Variants in ANKS6 observed in about 807,000 individuals in gnomAD.
The protein encoded by ANKS6 is ankyrin repeat and SAM domain-containing protein 6.
A neutral mutation model predicts 77.9 loss-of-function variants in ANKS6; 47 were observed. The observed-to-expected ratio is 0.60, with a 90% CI of 0.48 to 0.77. The LOEUF (loss-of-function observed/expected upper bound fraction) is 0.77, where lower values mean the gene tolerates loss of function less well. ANKS6 is among the 30% of genes least tolerant of loss of function. The probability of loss-of-function intolerance (pLI) is 0.00; values close to 1 mark genes in which losing one functional copy is unlikely to be tolerated. For synonymous variants in ANKS6, 488 were observed against 501.7 expected (o/e 0.97, Z 0.37); for missense variants, 1,150 against 1,159.1 (o/e 0.99, Z 0.11).
chr9:98,780,847 A>G (rs1378492808), intron 5 of ANKS6, among the ~76,000 whole-genome samples: 1 of 152,210 alleles, frequency 6.6e-6, no homozygotes, highest in Non-Finnish European at 1.5e-5. Context: ...ATTGCAAAAA[A>G]GATTGAGAAG....
intron 14 of ANKS6, among the ~76,000 whole-genome samples, chr9:98,742,441 A>G (rs919656145): frequency 6.6e-6 from 1 of 152,248 alleles, no homozygotes; most frequent in Non-Finnish European, 1.5e-5. Context: ...ATAATGCAGC[A>G]GAAGTTAAAT....
chr9:98,794,303 G>A (rs1034923920), intron 1 of ANKS6, among the ~76,000 whole-genome samples: 1 of 152,160 alleles, frequency 6.6e-6, no homozygotes, highest in Admixed American at 6.5e-5. Flanking sequence ...CAGACCCAGC[G>A]TGGTGGCTGC....
At chr9:98,773,853 A>T (rs767917373) in intron 9 of ANKS6, 24 bp downstream of exon 9, 4 of 1,505,372 alleles carry the variant, frequency 2.7e-6, no homozygotes, top group Non-Finnish European at 3.5e-6. Context: ...GTGATGTGTA[A>T]AAGTGTGTCA....
In ANKS6 at chr9:98,776,231, T is replaced by C. The variant is rs554124360; in HGVS notation, c.1617+1174A>G. ...TGATCTTGTTTAAAAACCATAACCA[T>C]GAGGGATCCCCGAAGTCAGAGACTG... On this transcript the variant is annotated intron_variant, in intron 8 of 14. Coordinates refer to ENST00000353234, the MANE Select transcript of ANKS6 (RefSeq NM_173551.5). 7.0e-4 allele frequency among the ~76,000 whole-genome samples: 106 copies of C among 152,140 alleles called. 1 individual carries two copies. The highest frequency in any genetic ancestry group is 2.3e-3 in the African/African-American group (97 of 41,500).
rs202064876 is a variant in ANKS6 at position 98,742,465 on chromosome 9, A to ATT, written c.2511+3092_2511+3093dup. Among the ~76,000 whole-genome samples the ATT allele has an allele frequency of 8.3e-3, 1,262 of 152,302 alleles. 6 individuals carry two copies. Among genetic ancestry groups the ATT allele is most frequent in the Middle Eastern group, 0.017 (5 of 294 alleles). On this transcript the variant is annotated intron_variant, in intron 14 of 14. Transcript: ENST00000353234. ...CAGAAGTTAAATTTGCTTTTGTACT[A>ATT]TTACACTTCTCCTAAACATGCCTTT...
intron 1 of ANKS6, 52 bp downstream of exon 1, chr9:98,796,081 G>A: frequency 2.3e-6 from 3 of 1,279,212 alleles, no homozygotes; most frequent in South Asian, 2.5e-5. Context: ...CGCGTCTCGG[G>A]CCAGCGCCGG....
chr9:98,789,953 G>C, intron 2 of ANKS6, 151 bp downstream of exon 2: 1 of 1,193,844 alleles, frequency 8.4e-7, no homozygotes, highest in Non-Finnish European at 1.1e-6. Context: ...CAATCCCCCC[G>C]ATACTTAAGC....
chr9:98,739,504 C>CTACA (rs1238291984), intron 14 of ANKS6, among the ~76,000 whole-genome samples: 2 of 152,096 alleles, frequency 1.3e-5, no homozygotes, highest in Admixed American at 1.3e-4. Flanking sequence ...GATACTTAAT[C>CTACA]TCCCTGGGCC....
chr9:98,742,201 G>A (rs761718148), intron 14 of ANKS6, among the ~76,000 whole-genome samples: 4 of 152,296 alleles, frequency 2.6e-5, no homozygotes, highest in Middle Eastern at 3.4e-3. Flanking sequence ...CCAAGCTTGC[G>A]TTGCAAAAGA....
Position 98,788,919 on chromosome 9 carries a change from C to T in ANKS6, c.862+1185G>A, listed in dbSNP as rs76907756. On this transcript the variant is annotated intron_variant, in intron 2 of 14. Transcript: ENST00000353234. ...GGTCTCTTGGCTTCAGGTAGTTCTTCCTAAACTTCTTTTTCCTTTTCATTT... is the reference window on the plus strand; with the variant it reads ...GGTCTCTTGGCTTCAGGTAGTTCTTTCTAAACTTCTTTTTCCTTTTCATTT... 7.5e-3 allele frequency among the ~76,000 whole-genome samples: 1,137 copies of T among 152,294 alleles called. 12 individuals are homozygous for T. Among genetic ancestry groups the T allele is most frequent in the African/African-American group, 0.026 (1,066 of 41,554 alleles).
Position 98,734,850 on chromosome 9 carries a change from C to T in ANKS6, c.*1669G>A. 1 of 985,434 alleles carries T rather than the reference C, an allele frequency of 1.0e-6. No homozygotes were observed. Among genetic ancestry groups the T allele is most frequent in the Non-Finnish European group, 1.2e-6 (1 of 829,936 alleles). The allele number at this position is 985,434 out of a possible 1,614,324, so 61.0% of individuals were successfully genotyped here. A position where few individuals can be genotyped will look rare whatever the true frequency, so the allele number is the denominator to read the frequency against. ...CCTTTGTAAAGGTGTCTATCAGTAA[C>T]AGCTAAATGAAACACTTTGTCTTCA... On this transcript the variant is annotated 3_prime_UTR_variant, in exon 15 of 15. Transcript: ENST00000353234.
At chr9:98,782,427 C>A (rs188834009) in intron 5 of ANKS6, 40 bp downstream of exon 5, 1 of 1,563,324 alleles carries the variant, frequency 6.4e-7, no homozygotes, top group Non-Finnish European at 8.8e-7. Context: ...GTCCAAGAAA[C>A]GCTGGGTAGA....
intron 6 of ANKS6, among the ~76,000 whole-genome samples, chr9:98,779,703 G>A (rs373086011): frequency 5.9e-5 from 9 of 151,752 alleles, no homozygotes; most frequent in African/African-American, 9.7e-5. Flanking sequence ...TCGCTCTGTC[G>A]CCCAGGCTGG....
At position 98,768,219 on chromosome 9, in the gene ANKS6, G is replaced by T. The variant is rs865780458; in HGVS notation, c.2004C>A (p.Ile668=). 6.2e-7 allele frequency: 1 copy of T among 1,614,120 alleles called. No homozygotes were observed. Among genetic ancestry groups the T allele is most frequent in the Admixed American group, 1.7e-5 (1 of 60,022 alleles). Residue 668 remains isoleucine, a synonymous_variant, in exon 11 of 15, where the codon ATC becomes ATA. Coordinates refer to ENST00000353234, the MANE Select transcript of ANKS6 (RefSeq NM_173551.5). ...CGGCTGCTTTTTTCCTCTGGGCAGC[G>T]ATTTGGGACAAGACATTGTCTATGC... is the stretch of plus-strand genomic sequence containing the variant. ...GGSIDNVLSQ[I]AAQRKKAAGL... is the part of the protein sequence containing the mutation.
Position 98,734,819 on chromosome 9 carries a change from T to C in ANKS6, c.*1700A>G, listed in dbSNP as rs1038315194. The C allele has an allele frequency of 1.0e-6, 1 of 985,474 alleles. No homozygotes were observed. The highest frequency in any genetic ancestry group is 4.7e-5 in the South Asian group (1 of 21,288). 61.0% of individuals were successfully genotyped at this position (985,474 alleles called of 1,614,324 possible). ...TGTCTCCTTAAAAAGGCTGGGACAT[T>C]AGTAACCTTTGTAAAGGTGTCTATC... On this transcript the variant is annotated 3_prime_UTR_variant, in exon 15 of 15. Coordinates refer to ENST00000353234, the MANE Select transcript of ANKS6 (RefSeq NM_173551.5).
chr9:98,777,495 G>A lies in ANKS6; in HGVS notation c.1568-41C>T, dbSNP rs369378712. ...AAATTTCCTGAAATGACCCCTCCAC[G>A]TGTCCACAGCATAAGGATGAGTGAC... On this transcript the variant is annotated intron_variant, in intron 7 of 14. Transcript: ENST00000353234. 26 of 1,598,378 alleles carry A rather than the reference G, an allele frequency of 1.6e-5. No homozygotes were observed. The African/African-American group carries it at 1.9e-4, about 12-fold the overall frequency.
intron 8 of ANKS6, among the ~76,000 whole-genome samples, chr9:98,775,210 T>C (rs144031909): frequency 8.6e-4 from 131 of 152,364 alleles, no homozygotes; most frequent in Middle Eastern, 3.4e-3. Context: ...GTCTAAATTG[T>C]TGCTATCTTT....
At chr9:98,759,885 T>C (rs1208067175) in intron 11 of ANKS6, among the ~76,000 whole-genome samples, 1 of 152,086 alleles carries the variant, frequency 6.6e-6, no homozygotes, top group Admixed American at 6.5e-5. Context: ...AAACTATAGC[T>C]AGATAGGAGG....
At chr9:98,782,127 CTGAG>C (rs1485468166) in intron 5 of ANKS6, among the ~76,000 whole-genome samples, 1 of 152,196 alleles carries the variant, frequency 6.6e-6, no homozygotes, top group Non-Finnish European at 1.5e-5. Context: ...ATGTTTCCAC[CTGAG>C]TGACTCAGGA....
Sources: gnomAD v4.1 joint callset for allele counts (sites outside exome capture counted in the v4.1 genomes callset) on GRCh38, gnomAD v4.1.1 for gene constraint, MANE v1.5 for transcripts, NCBI Gene and HGNC (gene_info 2026-07-23, HGNC 2026-07-21) for gene names.